Variants in CHRNA7 observed in about 807,000 individuals in gnomAD.
CHRNA7 encodes cholinergic receptor nicotinic alpha 7 subunit, also known as neuronal acetylcholine receptor subunit alpha-7.
CHRNA7 carries 17 observed loss-of-function variants against 48.0 expected under a neutral mutation model. The ratio of observed to expected loss-of-function variants is 0.35; its 90% CI spans 0.24 to 0.53. The LOEUF (loss-of-function observed/expected upper bound fraction) is 0.53, where lower values mean the gene tolerates loss of function less well. Ranked by LOEUF, CHRNA7 falls within the 20% of genes least tolerant of loss-of-function variation. CHRNA7 has a pLI of 0.92. For missense variants in CHRNA7, 155 were observed against 577.7 expected (o/e 0.27, Z 7.50); for synonymous variants, 75 against 242.3 (o/e 0.31, Z 6.41).
chr15:32,135,800 C>A (rs1285811038), intron 4 of CHRNA7, among the ~76,000 whole-genome samples: 1 of 151,662 alleles, frequency 6.6e-6, no homozygotes, highest in African/African-American at 2.4e-5. Context: ...ATGTCCAAAG[C>A]CAAAAAAAGA....
At chr15:32,122,470 G>A (rs2050988260) in intron 4 of CHRNA7, among the ~76,000 whole-genome samples, 2 of 152,116 alleles carry the variant, frequency 1.3e-5, no homozygotes, top group Middle Eastern at 3.4e-3. Context: ...CACATTATTT[G>A]TGGTCTTTTT....
chr15:32,139,915 A>G (rs1046734678), intron 4 of CHRNA7, among the ~76,000 whole-genome samples: 6 of 152,124 alleles, frequency 3.9e-5, no homozygotes, highest in Non-Finnish European at 4.4e-5. Context: ...ATGAACATAA[A>G]TGTATAAGCC....
chr15:32,063,165 G>A (rs900214184), intron 2 of CHRNA7, among the ~76,000 whole-genome samples: 1 of 152,060 alleles, frequency 6.6e-6, no homozygotes, highest in Non-Finnish European at 1.5e-5. Context: ...GTGAGTAAAT[G>A]TGACGGCCTG....
At chr15:32,038,767 A>G (rs2141167305) in intron 2 of CHRNA7, among the ~76,000 whole-genome samples, 1 of 152,314 alleles carries the variant, frequency 6.6e-6, no homozygotes, top group Admixed American at 6.5e-5. Flanking sequence ...GTATTAGGGT[A>G]ATGCAGGCCT....
chr15:32,071,355 A>G (rs575076602), intron 2 of CHRNA7, among the ~76,000 whole-genome samples: 3 of 152,196 alleles, frequency 2.0e-5, no homozygotes, highest in African/African-American at 7.2e-5. Flanking sequence ...CTCGATACCA[A>G]TTTGAGGAAT....
intron 2 of CHRNA7, among the ~76,000 whole-genome samples, chr15:32,077,236 A>G (rs2141227145): frequency 6.6e-6 from 1 of 152,210 alleles, no homozygotes; most frequent in African/African-American, 2.4e-5. Context: ...TTGGGCAATT[A>G]TGAATAAAGC....
chr15:32,079,991 A>G (rs988760069), intron 2 of CHRNA7, among the ~76,000 whole-genome samples: 2 of 152,186 alleles, frequency 1.3e-5, no homozygotes, highest in Non-Finnish European at 2.9e-5. Context: ...TTCAGAAATA[A>G]GACCACACAT....
chr15:32,068,677 C>T (rs537525215), intron 2 of CHRNA7, among the ~76,000 whole-genome samples: 1 of 150,726 alleles, frequency 6.6e-6, no homozygotes, highest in Non-Finnish European at 1.5e-5. Flanking sequence ...GAGCCGAGAT[C>T]GCACCACTGC....
chr15:32,168,762 CAT>C lies in CHRNA7; in HGVS notation c.*305_*306del. On this transcript the variant is annotated 3_prime_UTR_variant, in exon 10 of 10. Coordinates refer to ENST00000306901, the MANE Select transcript of CHRNA7 (RefSeq NM_000746.6). ...CTGGAAAGCCCTTCGGAGAGCTCCC[CAT>C]GGCTCCTCACCACCGAGACAGTTGG... 4.5e-5 allele frequency: 1 copy of C among 22,292 alleles called. No homozygotes were observed. Among genetic ancestry groups the C allele is most frequent in the Non-Finnish European group, 8.7e-5 (1 of 11,484 alleles). The allele number at this position is 22,292 out of a possible 1,614,324, so 1.4% of individuals were successfully genotyped here.
intron 4 of CHRNA7, among the ~76,000 whole-genome samples, chr15:32,124,676 A>G (rs1401394546): frequency 1.9e-5 from 2 of 103,732 alleles, no homozygotes; most frequent in African/African-American, 4.4e-5. Flanking sequence ...TAAGGCAAAG[A>G]TGAGAAATGT....
intron 2 of CHRNA7, among the ~76,000 whole-genome samples, chr15:32,094,407 G>C (rs1245360281): frequency 6.6e-6 from 1 of 152,102 alleles, no homozygotes; most frequent in East Asian, 1.9e-4. Flanking sequence ...TAAAATAACA[G>C]AATAAAAGGA....
At chr15:32,044,564 C>A (rs564290754) in intron 2 of CHRNA7, among the ~76,000 whole-genome samples, 2 of 152,346 alleles carry the variant, frequency 1.3e-5, no homozygotes, top group Admixed American at 6.5e-5. Context: ...GCGTGAGCCA[C>A]TGTGCCCGGC....
intron 4 of CHRNA7, among the ~76,000 whole-genome samples, chr15:32,130,648 G>A (rs563007898): frequency 1.3e-5 from 2 of 150,898 alleles, no homozygotes; most frequent in African/African-American, 4.8e-5. Context: ...TATTTATAGT[G>A]TTTTTGAGTA....
chr15:32,079,552 C>T (rs1297038946), intron 2 of CHRNA7, among the ~76,000 whole-genome samples: 1 of 151,994 alleles, frequency 6.6e-6, no homozygotes, highest in Non-Finnish European at 1.5e-5. Flanking sequence ...ACAATTGCTA[C>T]AAAGCAAATA....
chr15:32,080,584 C>G (rs566134825), intron 2 of CHRNA7, among the ~76,000 whole-genome samples: 179 of 152,178 alleles, frequency 1.2e-3, no homozygotes, highest in African/African-American at 4.3e-3. Flanking sequence ...AAGTCAAAAC[C>G]ACAATGAGAT....
chr15:32,144,418 G>T (rs1188681033), intron 4 of CHRNA7, among the ~76,000 whole-genome samples: 1 of 152,148 alleles, frequency 6.6e-6, no homozygotes, highest in Admixed American at 6.6e-5. Context: ...TTGAAGAGTA[G>T]CTTTGTGGTG....
intron 4 of CHRNA7, chr15:32,112,469 C>G (rs1159561893): frequency 1.2e-5 from 5 of 400,740 alleles, no homozygotes; most frequent in Non-Finnish European, 2.5e-5. Flanking sequence ...ATAAGGGACA[C>G]GTCGGTAAAC....
intron 4 of CHRNA7, among the ~76,000 whole-genome samples, chr15:32,120,643 C>G (rs994875388): frequency 6.6e-6 from 1 of 151,776 alleles, no homozygotes; most frequent in Non-Finnish European, 1.5e-5. Flanking sequence ...ACAGGTGCTG[C>G]GGTGAATAGA....
chr15:32,096,524 C>T lies in CHRNA7; in HGVS notation c.196-4779C>T, dbSNP rs147834865. 5.3e-4 allele frequency among the ~76,000 whole-genome samples: 80 copies of T among 152,010 alleles called. No individual in the cohort carries two copies. In the East Asian group the frequency reaches 0.015, roughly 28 times the overall value. On this transcript the variant is annotated intron_variant, in intron 2 of 9. Transcript: ENST00000306901. ...ACCGTTTATAAACTTTAGACTGCTA[C>T]ACAAATATGAATTTATATTATCCAG...
Sources: allele counts gnomAD v4.1 joint callset (sites outside exome capture counted in the v4.1 genomes callset), GRCh38; gene constraint gnomAD v4.1.1; transcripts MANE v1.5; gene names NCBI Gene and HGNC (gene_info 2026-07-23, HGNC 2026-07-21).